The following HTR1F variants were observed in gnomAD, a reference collection of about 807,000 sequenced individuals.
HTR1F encodes 5-hydroxytryptamine (serotonin) receptor 1F, G protein-coupled.
A neutral mutation model predicts 24.0 loss-of-function variants in HTR1F; 17 were observed. The observed-to-expected ratio is 0.71, with a 90% CI of 0.48 to 1.06. The LOEUF is 1.06. Among genes scored for constraint, HTR1F ranks in the 50% least tolerant of loss-of-function variants. The pLI, the probability that HTR1F is intolerant of heterozygous loss-of-function variation, is 0.00. For synonymous variants in HTR1F, 186 were observed against 156.8 expected, an observed-to-expected ratio of 1.19 and a Z score of -1.39; for missense variants, 391 against 427.8, an observed-to-expected ratio of 0.91 and a Z score of 0.76.
At chr3:87,928,076 T>G (rs529318265) in intron 2 of HTR1F, among the ~76,000 whole-genome samples, 133 of 150,654 alleles carry the variant, frequency 8.8e-4, no homozygotes, top group African/African-American at 3.1e-3. Context: ...GACAGAGTCT[T>G]GCTCTGTCAC....
intron 2 of HTR1F, among the ~76,000 whole-genome samples, chr3:87,978,215 GA>G (rs1380272131): frequency 1.3e-5 from 2 of 152,162 alleles, no homozygotes; most frequent in Non-Finnish European, 2.9e-5. Context: ...GAAGACTCCA[GA>G]AATCGCAGAG....
At chr3:87,886,176 C>T (rs1438673555) in intron 2 of HTR1F, among the ~76,000 whole-genome samples, 6 of 152,302 alleles carry the variant, frequency 3.9e-5, no homozygotes, top group Admixed American at 2.6e-4. Context: ...TGATGCAAGG[C>T]TGGTTCAACA....
At chr3:87,990,568 C>A in intron 2 of HTR1F, 140 bp from the exon 3 acceptor site, 2 of 514,514 alleles carry the variant, frequency 3.9e-6, no homozygotes, top group South Asian at 3.7e-5. Flanking sequence ...AAAACTAAAA[C>A]CTTCAATCTG....
intron 1 of HTR1F, among the ~76,000 whole-genome samples, chr3:87,816,361 A>T (rs1280824722): frequency 1.3e-5 from 2 of 151,950 alleles, no homozygotes; most frequent in African/African-American, 4.8e-5. Context: ...AGGATTTGTT[A>T]GTTTGTTTGT....
chr3:87,903,494 C>T (rs1399023547), intron 2 of HTR1F, among the ~76,000 whole-genome samples: 3 of 151,772 alleles, frequency 2.0e-5, no homozygotes, highest in East Asian at 1.9e-4. Context: ...CAAAAGAAGA[C>T]ATTTATGCAG....
intron 2 of HTR1F, among the ~76,000 whole-genome samples, chr3:87,881,957 T>C (rs1223661410): frequency 6.6e-6 from 1 of 151,982 alleles, no homozygotes; most frequent in Non-Finnish European, 1.5e-5. Context: ...TGCAACCTAC[T>C]CATCTGACAA....
At chr3:87,850,158 C>T (rs113312850) in intron 2 of HTR1F, among the ~76,000 whole-genome samples, 4 of 152,000 alleles carry the variant, frequency 2.6e-5, no homozygotes, top group Middle Eastern at 3.4e-3. Flanking sequence ...CACATGCACA[C>T]GTAAGTTTAT....
chr3:87,929,832 T>G (rs1704218283), intron 2 of HTR1F, among the ~76,000 whole-genome samples: 1 of 152,222 alleles, frequency 6.6e-6, no homozygotes, highest in South Asian at 2.1e-4. Flanking sequence ...TCTAGTTCTT[T>G]GAAGAATGTC....
chr3:87,822,441 A>G (rs1704378095), intron 2 of HTR1F, among the ~76,000 whole-genome samples: 1 of 152,202 alleles, frequency 6.6e-6, no homozygotes, highest in Admixed American at 6.5e-5. Flanking sequence ...ATGCTTATAG[A>G]AAGTGAAAGG....
At chr3:87,969,937 A>G (rs1234544913) in intron 2 of HTR1F, among the ~76,000 whole-genome samples, 1 of 152,216 alleles carries the variant, frequency 6.6e-6, no homozygotes, top group East Asian at 1.9e-4. Context: ...ATGGTTTTAT[A>G]AAGGGGAGTT....
chr3:87,947,259 A>C (rs1704732022), intron 2 of HTR1F, among the ~76,000 whole-genome samples: 1 of 152,224 alleles, frequency 6.6e-6, no homozygotes, highest in Admixed American at 6.5e-5. Context: ...TGCTAAATAG[A>C]AGTCTTTTAC....
intron 1 of HTR1F, among the ~76,000 whole-genome samples, chr3:87,799,822 A>T (rs1157439546): frequency 1.3e-5 from 2 of 152,318 alleles, no homozygotes. Context: ...AGCCCTCAAG[A>T]TGGTAACATG....
intron 2 of HTR1F, among the ~76,000 whole-genome samples, chr3:87,844,075 T>C (rs1227272480): frequency 2.8e-4 from 42 of 149,360 alleles, no homozygotes; most frequent in African/African-American, 9.6e-4. Flanking sequence ...ATGGTATTTC[T>C]AGTTCTAGAT....
At chr3:87,986,938 C>T (rs1705673991) in intron 2 of HTR1F, among the ~76,000 whole-genome samples, 1 of 151,998 alleles carries the variant, frequency 6.6e-6, no homozygotes, top group African/African-American at 2.4e-5. Context: ...AACTCCGTCT[C>T]TACTAAAAAT....
Position 87,969,751 on chromosome 3 carries a change from T to C in HTR1F, c.-42-20957T>C, listed in dbSNP as rs541442003. 3.3e-5 allele frequency among the ~76,000 whole-genome samples: 5 copies of C among 152,210 alleles called. No homozygotes were observed. The South Asian group carries it at 8.3e-4, about 25-fold the overall frequency. ...GGTTTTTAAATGTGAGGACATGAGA[T>C]TGGGAGGGGCCAGGGTGGAATAATA... On this transcript the variant is annotated intron_variant, in intron 2 of 2. Coordinates refer to ENST00000319595, the MANE Select transcript of HTR1F (RefSeq NM_001322209.2).
chr3:87,974,949 C>A (rs1359136723), intron 2 of HTR1F, among the ~76,000 whole-genome samples: 1 of 152,120 alleles, frequency 6.6e-6, no homozygotes, highest in Non-Finnish European at 1.5e-5. Flanking sequence ...TTGTTCTGTG[C>A]TAAGTCACAA....
intron 2 of HTR1F, among the ~76,000 whole-genome samples, chr3:87,953,194 G>A (rs1337947296): frequency 6.6e-6 from 1 of 151,412 alleles, no homozygotes; most frequent in Non-Finnish European, 1.5e-5. Flanking sequence ...AACAAAAATA[G>A]AGAAAAATGA....
At chr3:87,920,376 A>T (rs1174764867) in intron 2 of HTR1F, among the ~76,000 whole-genome samples, 1 of 151,938 alleles carries the variant, frequency 6.6e-6, no homozygotes, top group Non-Finnish European at 1.5e-5. Flanking sequence ...ACCAAACACC[A>T]CCTGTTCCCC....
chr3:87,978,874 A>G lies in HTR1F; in HGVS notation c.-42-11834A>G, dbSNP rs977149019. Among the ~76,000 whole-genome samples, 80 of 54,130 alleles carry G rather than the reference A, an allele frequency of 1.5e-3. 1 individual carries two copies. Among genetic ancestry groups the G allele is most frequent in the African/African-American group, 3.5e-3 (68 of 19,504 alleles). The allele number at this position is 54,130 out of a possible 152,430, so 35.5% of individuals were successfully genotyped here. A position where few individuals can be genotyped will look rare whatever the true frequency, so the allele number is the denominator to read the frequency against. ...CTGGAGTGGAAAGAAGGATGGAAGG[A>G]AGGGAGGGAGGGAGGGAGGAAGGAA... On this transcript the variant is annotated intron_variant, in intron 2 of 2. Transcript: ENST00000319595.
Sources: gnomAD v4.1 joint callset for allele counts (sites outside exome capture counted in the v4.1 genomes callset) on GRCh38, gnomAD v4.1.1 for gene constraint, MANE v1.5 for transcripts, NCBI Gene and HGNC (gene_info 2026-07-23, HGNC 2026-07-21) for gene names.